DNAH11: variants seen among roughly 807,000 people sequenced by gnomAD.
DNAH11 encodes axonemal beta dynein heavy chain 11.
DNAH11 carries 442 observed loss-of-function variants against 526.0 expected under a neutral mutation model. That is an observed-to-expected ratio of 0.84 (90% CI 0.78 to 0.91). The LOEUF is 0.91. Ranked by LOEUF, DNAH11 falls within the 40% of genes least tolerant of loss-of-function variation. DNAH11 has a pLI of 0.00. For synonymous variants in DNAH11, 2,461 were observed against 1,935.9 expected, an observed-to-expected ratio of 1.27 and a Z score of -7.12; for missense variants, 6,989 against 5,448.7, an observed-to-expected ratio of 1.28 and a Z score of -8.90.
At chr7:21,715,896 G>C (rs146592887) in intron 42 of DNAH11, among the ~76,000 whole-genome samples, 1 of 146,642 alleles carries the variant, frequency 6.8e-6, no homozygotes, top group African/African-American at 2.6e-5. Flanking sequence ...AAGCAGAATC[G>C]GCTCTTACCA....
In DNAH11 at chr7:21,796,786, G is replaced by GA. The variant is rs530611354; in HGVS notation, c.10027-4345dup. Among the ~76,000 whole-genome samples the GA allele has an allele frequency of 1.1e-4, 17 of 152,174 alleles. No individual in the cohort carries two copies. In the South Asian group the frequency reaches 3.5e-3, roughly 32 times the overall value. On this transcript the variant is annotated intron_variant, in intron 61 of 81. Transcript: ENST00000409508. The stretch of plus-strand genomic sequence containing the variant: ...TCTCTAATTTCCTCACCTATAAAAT[G>GA]AAAAAATCTCTCTGAGACTTAACGA...
rs71557520 is a variant in DNAH11 at position 21,765,610 on chromosome 7, T to TCAGA, written c.9102+23_9102+24insGACA. On this transcript the variant is annotated intron_variant, in intron 55 of 81. Coordinates refer to ENST00000409508, the MANE Select transcript of DNAH11 (RefSeq NM_001277115.2). ...TTGAGGTATGCCGTGTCAGCCTGCG[T>TCAGA]CACACACACACACACACACACACAC... 231 of 956,488 alleles carry TCAGA rather than the reference T, an allele frequency of 2.4e-4. 2 individuals are homozygous for TCAGA. The African/African-American group carries it at 3.3e-3, about 14-fold the overall frequency. 59.3% of individuals were successfully genotyped at this position (956,488 alleles called of 1,614,324 possible). A position where few individuals can be genotyped will look rare whatever the true frequency, so the allele number is the denominator to read the frequency against.
At chr7:21,861,593 G>T (rs1472841050) in intron 68 of DNAH11, among the ~76,000 whole-genome samples, 6 of 152,202 alleles carry the variant, frequency 3.9e-5, no homozygotes, top group East Asian at 1.9e-4. Flanking sequence ...AAGTACATGG[G>T]CAGAAGGAGA....
At chr7:21,888,126 T>C (rs1784196681) in intron 76 of DNAH11, among the ~76,000 whole-genome samples, 1 of 152,182 alleles carries the variant, frequency 6.6e-6, no homozygotes, top group Non-Finnish European at 1.5e-5. Flanking sequence ...ACTTCATTCA[T>C]TTATAAAATT....
chr7:21,789,182 A>G (rs900955342), intron 60 of DNAH11, 59 bp from the exon 61 acceptor site: 3 of 1,220,460 alleles, frequency 2.5e-6, no homozygotes, highest in Non-Finnish European at 3.5e-6. Context: ...CATCCATCCT[A>G]TCTGGGATTG....
intron 54 of DNAH11, among the ~76,000 whole-genome samples, chr7:21,760,081 A>G (rs1786829873): frequency 6.6e-6 from 1 of 152,138 alleles, no homozygotes. Context: ...AAACTAACTT[A>G]AGCCAATTTG....
chr7:21,839,144 G>C (rs1782107733), intron 65 of DNAH11, among the ~76,000 whole-genome samples: 3 of 152,068 alleles, frequency 2.0e-5, no homozygotes, highest in South Asian at 2.1e-4. Flanking sequence ...TTCTTCTTTG[G>C]AGAAATGTTT....
intron 35 of DNAH11, among the ~76,000 whole-genome samples, chr7:21,692,168 AAGAG>A (rs1048080474): frequency 2.2e-4 from 34 of 152,316 alleles, no homozygotes; most frequent in Admixed American, 1.6e-3. Flanking sequence ...TTATTAGAGA[AAGAG>A]AGATCAGGTT....
intron 56 of DNAH11, among the ~76,000 whole-genome samples, chr7:21,777,107 A>T (rs1348273034): frequency 1.3e-5 from 2 of 152,102 alleles, no homozygotes; most frequent in African/African-American, 4.8e-5. Context: ...CCACCTCCTG[A>T]ATCCTAGTTC....
At position 21,707,747 on chromosome 7, in the gene DNAH11, G is replaced by T. The variant is rs368678650; in HGVS notation, c.6595G>T (p.Val2199Phe). The change falls in exon 40 of 82, where the codon GTT becomes TTT. Residue 2199 changes from valine (V) to phenylalanine (F), a missense_variant. Val to Phe is a conservative substitution (Grantham distance 50). Transcript: ENST00000409508. ...ATATGTTAACATGAAACAGAAGCCG[G>T]TTTGGAATGACTTAAACCCTAAAGC... ...RTYVNMKQKP[V>F]WNDLNPKAVT... 6.2e-7 allele frequency: 1 copy of T among 1,613,358 alleles called. No homozygotes were observed. The highest frequency in any genetic ancestry group is 8.5e-7 in the Non-Finnish European group (1 of 1,179,586).
At chr7:21,746,013 G>T (rs114929040) in intron 51 of DNAH11, among the ~76,000 whole-genome samples, 1,803 of 152,288 alleles carry the variant, frequency 0.012, 40 homozygotes, top group African/African-American at 0.041. Context: ...GGAGAGGCAG[G>T]AACTGGCCTT....
intron 74 of DNAH11, 71 bp downstream of exon 74, chr7:21,873,572 C>G: frequency 6.9e-7 from 1 of 1,444,724 alleles, no homozygotes; most frequent in South Asian, 1.2e-5. Flanking sequence ...GGCCCAGAAT[C>G]AACCCAGGCA....
chr7:21,708,696 C>G (rs1045466909), intron 40 of DNAH11, among the ~76,000 whole-genome samples: 2 of 152,132 alleles, frequency 1.3e-5, no homozygotes, highest in African/African-American at 2.4e-5. Flanking sequence ...TCATTCTGGC[C>G]TCTTTGCTAT....
intron 54 of DNAH11, among the ~76,000 whole-genome samples, chr7:21,753,329 T>G (rs1017439766): frequency 6.6e-6 from 1 of 152,208 alleles, no homozygotes; most frequent in African/African-American, 2.4e-5. Context: ...CTTCCCATGC[T>G]GCCTCCGGCT....
chr7:21,732,694 A>T (rs1159585571), intron 45 of DNAH11, among the ~76,000 whole-genome samples: 1 of 152,236 alleles, frequency 6.6e-6, no homozygotes, highest in Non-Finnish European at 1.5e-5. Flanking sequence ...TAATTCTGTG[A>T]CCTGGTGGAA....
intron 28 of DNAH11, among the ~76,000 whole-genome samples, chr7:21,651,728 A>C (rs1198678854): frequency 2.0e-5 from 3 of 152,218 alleles, no homozygotes; most frequent in Admixed American, 2.0e-4. Context: ...GGTTTGGTTA[A>C]ATAACGCCAG....
chr7:21,571,252 T>C (rs1783876650), intron 7 of DNAH11, among the ~76,000 whole-genome samples: 2 of 152,082 alleles, frequency 1.3e-5, no homozygotes, highest in South Asian at 4.2e-4. Context: ...TTATGGTAAA[T>C]TAGAGGTTGC....
At chr7:21,815,695 G>C (rs978400240) in intron 63 of DNAH11, among the ~76,000 whole-genome samples, 12 of 152,308 alleles carry the variant, frequency 7.9e-5, no homozygotes, top group Non-Finnish European at 1.8e-4. Context: ...TTTCATGTAC[G>C]TAGAAAATGC....
intron 66 of DNAH11, among the ~76,000 whole-genome samples, chr7:21,849,463 A>G (rs147456340): frequency 2.0e-5 from 3 of 152,122 alleles, no homozygotes; most frequent in Non-Finnish European, 2.9e-5. Context: ...TTTCTTGTCT[A>G]TGAAGAAATT....
Sources: gnomAD v4.1 joint callset for allele counts (sites outside exome capture counted in the v4.1 genomes callset) on GRCh38, gnomAD v4.1.1 for gene constraint, MANE v1.5 for transcripts, NCBI Gene and HGNC (gene_info 2026-07-23, HGNC 2026-07-21) for gene names.